DYNC2H1: variants seen among roughly 807,000 people sequenced by gnomAD.
The protein encoded by DYNC2H1 is dynein cytoplasmic 2 heavy chain 1, also known as cytoplasmic dynein 2 heavy chain 1.
In DYNC2H1, 410 loss-of-function variants were observed where a neutral mutation model predicts 570.0. The ratio of observed to expected loss-of-function variants is 0.72; its 90% CI spans 0.66 to 0.78. DYNC2H1 has a LOEUF of 0.78. Among genes scored for constraint, DYNC2H1 ranks in the 30% least tolerant of loss-of-function variants. The pLI, the probability that DYNC2H1 is intolerant of heterozygous loss-of-function variation, is 0.00. For synonymous variants in DYNC2H1, 1,688 were observed against 1,677.6 expected, an observed-to-expected ratio of 1.01 and a Z score of -0.15; for missense variants, 4,865 against 5,046.4, an observed-to-expected ratio of 0.96 and a Z score of 1.09.
intron 82 of DYNC2H1, among the ~76,000 whole-genome samples, chr11:103,330,341 G>A (rs1938713598): frequency 6.6e-6 from 1 of 151,926 alleles, no homozygotes; most frequent in African/African-American, 2.4e-5. Flanking sequence ...GACAGTTTGA[G>A]TAAATGAGAA....
rs772314220 is a variant in DYNC2H1, at chr11:103,399,734, C to G, written c.12228C>G (p.Ile4076Met). 2 of 1,613,728 alleles carry G rather than the reference C, an allele frequency of 1.2e-6. No individual in the cohort carries two copies. Among genetic ancestry groups the G allele is most frequent in the East Asian group, 2.2e-5 (1 of 44,860 alleles). Residue 4076 changes from isoleucine to methionine, a missense_variant, in exon 84 of 89, where the codon ATC becomes ATG. This residue lies in a region of DYNC2H1 where 2,401 missense variants were observed against 2,454.6 expected (regional missense o/e 0.98). Transcript: ENST00000375735. ...AAGGATCTCCAATACTGTCATTCAT[C>G]ATTCTTGAACAATTTAATGCTATTC... is the stretch of plus-strand genomic sequence containing the variant. ...DRQGSPILSF[I>M]ILEQFNAIRL... is the part of the protein sequence containing the mutation.
At position 103,423,892 on chromosome 11, in the gene DYNC2H1, T is replaced by C. The variant is rs369222681; in HGVS notation, c.12367-12051T>C. On this transcript the variant is annotated intron_variant, in intron 84 of 88. Coordinates refer to ENST00000375735, the MANE Select transcript of DYNC2H1 (RefSeq NM_001377.3). ...AAAGATCAGTTGTATTTCTGTATAA[T>C]AGCAATGAATCCTAGTATATGGCAC... is the stretch of plus-strand genomic sequence containing the variant. Among the ~76,000 whole-genome samples the C allele has an allele frequency of 1.6e-4, 25 of 152,202 alleles. No individual in the cohort carries two copies. The East Asian group carries it at 3.5e-3, about 21-fold the overall frequency.
At chr11:103,128,377 A>G (rs1200492759) in intron 12 of DYNC2H1, among the ~76,000 whole-genome samples, 1 of 152,062 alleles carries the variant, frequency 6.6e-6, no homozygotes, top group Non-Finnish European at 1.5e-5. Context: ...AAGAGAGGAG[A>G]GTGTATGGAT....
At chr11:103,140,643 T>G (rs1040067834) in intron 17 of DYNC2H1, among the ~76,000 whole-genome samples, 4 of 151,502 alleles carry the variant, frequency 2.6e-5, no homozygotes, top group Non-Finnish European at 4.4e-5. Flanking sequence ...TGCCCTTTTT[T>G]CCTTCATTTC....
chr11:103,211,529 C>T (rs1052603569), intron 53 of DYNC2H1, among the ~76,000 whole-genome samples: 55 of 151,784 alleles, frequency 3.6e-4, no homozygotes, highest in African/African-American at 1.3e-3. Context: ...TTTCTTGCAA[C>T]AATAAAGATG....
chr11:103,244,211 A>G lies in DYNC2H1; in HGVS notation c.9918+420A>G, dbSNP rs1204347883. Reference sequence around the variant, plus strand: ...CTCTGAATGCCTCTCATAATTTCCAATTTCTTTAACTCATTGACAGACATC... The same window carrying G: ...CTCTGAATGCCTCTCATAATTTCCAGTTTCTTTAACTCATTGACAGACATC... On this transcript the variant is annotated intron_variant, in intron 64 of 88. Transcript: ENST00000375735. The surrounding 1 kb of genome is among the most constrained non-coding windows in gnomAD (Gnocchi z 4.3). Among the ~76,000 whole-genome samples the G allele has an allele frequency of 1.3e-5, 2 of 152,054 alleles. No individual in the cohort carries two copies. The highest frequency in any genetic ancestry group is 4.8e-5 in the African/African-American group (2 of 41,414).
At chr11:103,456,232 C>G (rs1360883141) in intron 86 of DYNC2H1, 43 bp from the exon 87 acceptor site, 4 of 1,474,282 alleles carry the variant, frequency 2.7e-6, no homozygotes, top group Non-Finnish European at 3.7e-6. Context: ...ATTTTAATTC[C>G]TAAGGATTAT....
intron 1 of DYNC2H1, 71 bp downstream of exon 1, chr11:103,109,840 C>T: frequency 1.4e-6 from 2 of 1,470,002 alleles, no homozygotes; most frequent in Non-Finnish European, 1.8e-6. Context: ...AGAGGGACGT[C>T]GGGTCACACT....
chr11:103,171,358 C>A (rs900026175), intron 34 of DYNC2H1, among the ~76,000 whole-genome samples: 2 of 151,938 alleles, frequency 1.3e-5, no homozygotes, highest in African/African-American at 4.8e-5. Flanking sequence ...CAGGTTCAAG[C>A]GATTCTCCTG....
chr11:103,251,089 AT>A (rs552973123), intron 65 of DYNC2H1, among the ~76,000 whole-genome samples: 25 of 151,728 alleles, frequency 1.6e-4, no homozygotes, highest in South Asian at 4.2e-4. Flanking sequence ...GCCCTAATTT[AT>A]TTTTTTTCTT....
chr11:103,337,207 A>T (rs1939184431), intron 82 of DYNC2H1, among the ~76,000 whole-genome samples: 1 of 152,190 alleles, frequency 6.6e-6, no homozygotes, highest in African/African-American at 2.4e-5. Flanking sequence ...CCCTAAGAAT[A>T]CTTTTAGTTA....
chr11:103,296,421 A>G (rs900884516), intron 75 of DYNC2H1, among the ~76,000 whole-genome samples: 25 of 152,232 alleles, frequency 1.6e-4, no homozygotes, highest in African/African-American at 5.5e-4. Context: ...TTGGATAAAC[A>G]TGGTGAGTAA....
At position 103,446,826 on chromosome 11, in the gene DYNC2H1, C is replaced by T. The variant is rs1010113551; in HGVS notation, c.12457-8360C>T. The stretch of plus-strand genomic sequence containing the variant: ...CCAATGCACATGTGGAAAGATAGGC[C>T]TTAAATAGGAGCTTGAACTATTCAC... On this transcript the variant is annotated intron_variant, in intron 85 of 88. Coordinates refer to ENST00000375735, the MANE Select transcript of DYNC2H1 (RefSeq NM_001377.3). This position sits in a 1 kb window ranked among gnomAD's most constrained non-coding sequence, Gnocchi z 4.5. Among the ~76,000 whole-genome samples, 1 of 151,898 alleles carries T rather than the reference C, an allele frequency of 6.6e-6. No homozygotes were observed. The highest frequency in any genetic ancestry group is 2.1e-4 in the South Asian group (1 of 4,796).
chr11:103,424,165 G>A (rs1014078687), intron 84 of DYNC2H1, among the ~76,000 whole-genome samples: 7 of 152,084 alleles, frequency 4.6e-5, no homozygotes, highest in Admixed American at 4.6e-4. Flanking sequence ...TCTGGAATTA[G>A]TGGTTATGCT....
chr11:103,329,956 C>A (rs1274032009), intron 82 of DYNC2H1, among the ~76,000 whole-genome samples: 1 of 152,092 alleles, frequency 6.6e-6, no homozygotes, highest in African/African-American at 2.4e-5. Context: ...TATTTAAATT[C>A]TTCGTTCAAT....
intron 82 of DYNC2H1, among the ~76,000 whole-genome samples, chr11:103,353,581 T>G (rs1197912575): frequency 6.6e-6 from 1 of 152,168 alleles, no homozygotes; most frequent in African/African-American, 2.4e-5. Context: ...TATCTATATA[T>G]CTATATATAA....
At chr11:103,171,874 C>G (rs1861588864) in intron 34 of DYNC2H1, among the ~76,000 whole-genome samples, 4 of 152,032 alleles carry the variant, frequency 2.6e-5, no homozygotes, top group Admixed American at 1.3e-4. Context: ...TGTTTTTGAT[C>G]ATTATTCTAT....
chr11:103,146,282 C>T (rs1219270893), intron 18 of DYNC2H1, among the ~76,000 whole-genome samples: 4 of 152,080 alleles, frequency 2.6e-5, no homozygotes, highest in Non-Finnish European at 5.9e-5. Context: ...AATAGCTTTC[C>T]GAATAACCTT....
rs777679140 is a variant in DYNC2H1 at position 103,243,495 on chromosome 11, G to A, written c.9820-198G>A. Among the ~76,000 whole-genome samples the A allele has an allele frequency of 1.3e-5, 2 of 152,116 alleles. No individual in the cohort carries two copies. Among genetic ancestry groups the A allele is most frequent in the African/African-American group, 2.4e-5 (1 of 41,430 alleles). On this transcript the variant is annotated intron_variant, in intron 63 of 88. Transcript: ENST00000375735. The surrounding 1 kb of genome is among the most constrained non-coding windows in gnomAD (Gnocchi z 4.8). Reference sequence around the variant, plus strand: ...TACCTAATATTAACTCCTGGTCACTGAAGATTTGTTAATATGGCTTGTGAT... The same window carrying A: ...TACCTAATATTAACTCCTGGTCACTAAAGATTTGTTAATATGGCTTGTGAT...
Sources: gnomAD v4.1 joint callset for allele counts (sites outside exome capture counted in the v4.1 genomes callset) on GRCh38, gnomAD v4.1.1 for gene constraint, gnomAD v4.1.1 regional missense constraint, Gnocchi (gnomAD v3.1) non-coding constraint, MANE v1.5 for transcripts, NCBI Gene and HGNC (gene_info 2026-07-23, HGNC 2026-07-21) for gene names.